Variants in COL25A1 observed in about 807,000 individuals in gnomAD.
COL25A1 encodes the protein collagen alpha-1(XXV) chain.
In COL25A1, 103 loss-of-function variants were observed where a neutral mutation model predicts 128.4. That is an observed-to-expected ratio of 0.80 (90% CI 0.68 to 0.94). The LOEUF (loss-of-function observed/expected upper bound fraction) is 0.94. Ranked by LOEUF, COL25A1 falls within the 40% of genes least tolerant of loss-of-function variation. COL25A1 has a pLI of 0.00. For synonymous variants in COL25A1, 279 were observed against 277.2 expected, an observed-to-expected ratio of 1.01 and a Z score of -0.06; for missense variants, 745 against 840.0, an observed-to-expected ratio of 0.89 and a Z score of 1.40.
intron 5 of COL25A1, among the ~76,000 whole-genome samples, chr4:109,019,337 TATACACACAC>T (rs58044658): frequency 4.1e-5 from 2 of 48,366 alleles, no homozygotes; most frequent in Admixed American, 3.0e-4. Flanking sequence ...TACATGTGTG[TATACACACAC>T]ATACACACAC....
rs1731357309 is a variant in COL25A1, at chr4:108,817,532, C to A, written c.1924-97G>T. 5 of 1,133,564 alleles carry A rather than the reference C, an allele frequency of 4.4e-6. No individual in the cohort carries two copies. The Admixed American group carries it at 6.3e-5, about 14-fold the overall frequency. The allele number at this position is 1,133,564 out of a possible 1,614,324, so 70.2% of individuals were successfully genotyped here. Reference sequence around the variant, plus strand: ...AGAGGCTTAAAAATAAATTTCTACCCATTAGTGACTTTGGTCATGGGCATC... The same window carrying A: ...AGAGGCTTAAAAATAAATTTCTACCAATTAGTGACTTTGGTCATGGGCATC... On this transcript the variant is annotated intron_variant, in intron 36 of 37. Coordinates refer to ENST00000399132, the MANE Select transcript of COL25A1 (RefSeq NM_198721.4).
intron 3 of COL25A1, among the ~76,000 whole-genome samples, chr4:109,102,946 A>C (rs911296019): frequency 6.6e-6 from 1 of 152,150 alleles, no homozygotes; most frequent in Non-Finnish European, 1.5e-5. Context: ...TATTATGTTT[A>C]AATTTAAATC....
At chr4:109,111,671 T>C (rs1406342311) in intron 3 of COL25A1, among the ~76,000 whole-genome samples, 3 of 152,180 alleles carry the variant, frequency 2.0e-5, no homozygotes, top group African/African-American at 7.2e-5. Flanking sequence ...AGTATACTTC[T>C]CTGTGAAGCT....
chr4:108,884,069 A>G, intron 19 of COL25A1, 109 bp downstream of exon 19: 1 of 1,068,916 alleles, frequency 9.4e-7, no homozygotes, highest in Non-Finnish European at 1.4e-6. Flanking sequence ...GAGAGTACTT[A>G]GAGAACAGCA....
chr4:109,001,418 T>TAGTCATCTGAGATCCTGTCAGGA (rs1755394744), intron 6 of COL25A1, among the ~76,000 whole-genome samples: 1 of 152,198 alleles, frequency 6.6e-6, no homozygotes. Flanking sequence ...TCCTGTCAGG[T>TAGTCATCTGAGATCCTGTCAGGA]AGGCAGTGAG....
At chr4:109,276,677 C>T (rs1258538942) in intron 3 of COL25A1, among the ~76,000 whole-genome samples, 1 of 152,078 alleles carries the variant, frequency 6.6e-6, no homozygotes, top group East Asian at 1.9e-4. Context: ...TAATCAGTTT[C>T]AGTTAGTCAG....
chr4:109,069,876 C>A (rs776887486), intron 3 of COL25A1, among the ~76,000 whole-genome samples: 3 of 151,968 alleles, frequency 2.0e-5, no homozygotes, highest in Admixed American at 6.6e-5. Context: ...TGCTACTTAC[C>A]TTAAATAGCT....
intron 3 of COL25A1, among the ~76,000 whole-genome samples, chr4:109,192,669 C>T (rs112256578): frequency 1.4e-3 from 216 of 152,054 alleles, no homozygotes; most frequent in African/African-American, 4.9e-3. Context: ...CTGGCTAACA[C>T]GGTGAAACCC....
intron 37 of COL25A1, among the ~76,000 whole-genome samples, chr4:108,815,000 C>T (rs1731115540): frequency 6.6e-6 from 1 of 152,130 alleles, no homozygotes; most frequent in Admixed American, 6.5e-5. Context: ...AAGGAGTTCA[C>T]TCAATATTCT....
intron 10 of COL25A1, among the ~76,000 whole-genome samples, 196 bp downstream of exon 10, chr4:108,940,343 T>C (rs1236109432): frequency 6.6e-6 from 1 of 152,044 alleles, no homozygotes; most frequent in Admixed American, 6.6e-5. Context: ...CAGCTGGGAG[T>C]GCCCTGTGCT....
intron 35 of COL25A1, among the ~76,000 whole-genome samples, chr4:108,819,550 T>G (rs1346753796): frequency 2.0e-5 from 3 of 152,198 alleles, no homozygotes; most frequent in Non-Finnish European, 4.4e-5. Context: ...GGGTATGGAA[T>G]CGTGCCAGTT....
intron 3 of COL25A1, among the ~76,000 whole-genome samples, chr4:109,098,141 T>C (rs1342384202): frequency 1.3e-5 from 2 of 152,200 alleles, no homozygotes; most frequent in Non-Finnish European, 2.9e-5. Flanking sequence ...ACACTTTTAC[T>C]ACCCTTCATC....
At chr4:109,071,739 C>A (rs950745285) in intron 3 of COL25A1, among the ~76,000 whole-genome samples, 60 of 152,206 alleles carry the variant, frequency 3.9e-4, no homozygotes, top group Non-Finnish European at 6.8e-4. Context: ...AAATCAAAAC[C>A]ACAATGAGAT....
chr4:108,824,095 T>A, intron 35 of COL25A1, 79 bp downstream of exon 35: 1 of 1,613,790 alleles, frequency 6.2e-7, no homozygotes, highest in Non-Finnish European at 8.5e-7. Flanking sequence ...AAGTGTCAAA[T>A]GGAATCACAC....
At chr4:108,862,847 T>A (rs1578579217) in intron 21 of COL25A1, among the ~76,000 whole-genome samples, 1 of 152,318 alleles carries the variant, frequency 6.6e-6, no homozygotes, top group South Asian at 2.1e-4. Context: ...TTCCTTTTCA[T>A]CAGTGAGTAA....
At chr4:109,038,025 A>G (rs1759523452) in intron 5 of COL25A1, among the ~76,000 whole-genome samples, 3 of 152,210 alleles carry the variant, frequency 2.0e-5, no homozygotes, top group Admixed American at 1.3e-4. Context: ...GAAGAAAGCC[A>G]TGAAAGACAA....
intron 8 of COL25A1, among the ~76,000 whole-genome samples, chr4:108,965,332 C>T (rs1017790420): frequency 2.0e-5 from 3 of 152,138 alleles, no homozygotes; most frequent in Admixed American, 6.6e-5. Flanking sequence ...GATGTCGAGA[C>T]CAATAACCAC....
At chr4:108,831,715 A>AGC (rs1553944401) in intron 32 of COL25A1, among the ~76,000 whole-genome samples, 14 of 135,368 alleles carry the variant, frequency 1.0e-4, no homozygotes, top group African/African-American at 3.0e-4. Flanking sequence ...AGAGAGAGAG[A>AGC]GCGCATGCAT....
chr4:109,286,139 G>A (rs2126279957), intron 3 of COL25A1, among the ~76,000 whole-genome samples: 1 of 152,268 alleles, frequency 6.6e-6, no homozygotes, highest in African/African-American at 2.4e-5. Flanking sequence ...AAAGAATGAT[G>A]CAAATCAATT....
Sources: gnomAD v4.1 joint callset for allele counts (sites outside exome capture counted in the v4.1 genomes callset) on GRCh38, gnomAD v4.1.1 for gene constraint, MANE v1.5 for transcripts, NCBI Gene and HGNC (gene_info 2026-07-23, HGNC 2026-07-21) for gene names.